GPC5: variants seen among roughly 807,000 people sequenced by gnomAD.
The protein encoded by GPC5 is glypican 5, also known as glypican-5.
A neutral mutation model predicts 53.9 loss-of-function variants in GPC5; 47 were observed. The observed-to-expected ratio is 0.87, with a 90% CI of 0.69 to 1.11. GPC5 has a LOEUF of 1.11. Among genes scored for constraint, GPC5 ranks in the 50% most tolerant of loss-of-function variants. GPC5 has a pLI of 0.00. For missense variants in GPC5, 748 were observed against 713.1 expected (o/e 1.05, Z -0.56); for synonymous variants, 286 against 263.3 (o/e 1.09, Z -0.84).
chr13:92,349,581 C>T (rs1239705750), intron 7 of GPC5, among the ~76,000 whole-genome samples: 1 of 151,368 alleles, frequency 6.6e-6, no homozygotes, highest in Non-Finnish European at 1.5e-5. Context: ...AGAACTGATA[C>T]CACATAATAG....
intron 5 of GPC5, among the ~76,000 whole-genome samples, chr13:91,846,358 A>G (rs575862460): frequency 6.6e-6 from 1 of 152,282 alleles, no homozygotes; most frequent in East Asian, 1.9e-4. Flanking sequence ...ATGCTAGTTT[A>G]ACCTGATTCT....
intron 5 of GPC5, among the ~76,000 whole-genome samples, chr13:91,869,121 G>A (rs951299049): frequency 1.3e-5 from 2 of 152,072 alleles, no homozygotes; most frequent in African/African-American, 4.8e-5. Flanking sequence ...GTGCCTTGGT[G>A]CAATCTTGGC....
intron 7 of GPC5, among the ~76,000 whole-genome samples, chr13:92,330,661 T>C (rs1204972505): frequency 6.6e-6 from 1 of 152,202 alleles, no homozygotes; most frequent in East Asian, 1.9e-4. Flanking sequence ...CATATTTATG[T>C]ATTACTTTTA....
intron 6 of GPC5, among the ~76,000 whole-genome samples, chr13:91,981,401 T>G (rs1024775350): frequency 2.6e-5 from 4 of 151,966 alleles, no homozygotes; most frequent in African/African-American, 9.7e-5. Context: ...GCCATTCTCC[T>G]GCCTCAGCCT....
chr13:92,042,516 G>A (rs1594740416), intron 6 of GPC5, among the ~76,000 whole-genome samples: 1 of 152,064 alleles, frequency 6.6e-6, no homozygotes, highest in Admixed American at 6.5e-5. Flanking sequence ...AATCTGAGCA[G>A]CAACATGTTT....
Position 92,632,025 on chromosome 13 carries a change from G to A in GPC5, c.1562-234257G>A, listed in dbSNP as rs1885255867. Among the ~76,000 whole-genome samples the A allele has an allele frequency of 3.3e-5, 5 of 152,220 alleles. No individual in the cohort carries two copies. The South Asian group carries it at 1.0e-3, about 32-fold the overall frequency. On this transcript the variant is annotated intron_variant, in intron 7 of 7. Coordinates refer to ENST00000377067, the MANE Select transcript of GPC5 (RefSeq NM_004466.6). Reference sequence around the variant, plus strand: ...ATTAAGAAATACTCAACCTGTCCCTGTTTGGAAACAGTTCCCTCTAGATAG... The same window carrying A: ...ATTAAGAAATACTCAACCTGTCCCTATTTGGAAACAGTTCCCTCTAGATAG...
chr13:92,658,562 T>C (rs970634041), intron 7 of GPC5, among the ~76,000 whole-genome samples: 2 of 152,218 alleles, frequency 1.3e-5, no homozygotes, highest in Non-Finnish European at 2.9e-5. Flanking sequence ...TGTAATACAA[T>C]ATTTAAAAAT....
Position 91,682,246 on chromosome 13 carries a change from C to T in GPC5, c.326-10941C>T, listed in dbSNP as rs185828622. 8.7e-4 allele frequency among the ~76,000 whole-genome samples: 133 copies of T among 152,198 alleles called. 1 individual carries two copies. The highest frequency in any genetic ancestry group is 2.4e-3 in the African/African-American group (101 of 41,512). On this transcript the variant is annotated intron_variant, in intron 2 of 7. Coordinates refer to ENST00000377067, the MANE Select transcript of GPC5 (RefSeq NM_004466.6). Reference sequence around the variant, plus strand: ...TGGTGGTCGTGCTAGTAAGAGTACCCGTATCATGGGTTGGAGAATCAAGTG... The same window carrying T: ...TGGTGGTCGTGCTAGTAAGAGTACCTGTATCATGGGTTGGAGAATCAAGTG...
intron 5 of GPC5, among the ~76,000 whole-genome samples, chr13:91,857,829 A>T (rs970816901): frequency 6.6e-6 from 1 of 151,522 alleles, no homozygotes; most frequent in Non-Finnish European, 1.5e-5. Flanking sequence ...TTTTATCAAG[A>T]ATACTTACAT....
chr13:92,220,476 G>A (rs556411320), intron 7 of GPC5, among the ~76,000 whole-genome samples: 3 of 152,110 alleles, frequency 2.0e-5, no homozygotes, highest in African/African-American at 7.2e-5. Flanking sequence ...TTGTAACAAA[G>A]ATTAAGTGAA....
At chr13:91,741,530 T>C (rs2036933455) in intron 4 of GPC5, among the ~76,000 whole-genome samples, 1 of 152,204 alleles carries the variant, frequency 6.6e-6, no homozygotes, top group African/African-American at 2.4e-5. Context: ...AAATGTTTAT[T>C]CAGTGAAGAA....
chr13:92,005,971 T>C (rs2040602985), intron 6 of GPC5, among the ~76,000 whole-genome samples: 1 of 152,106 alleles, frequency 6.6e-6, no homozygotes, highest in African/African-American at 2.4e-5. Context: ...CTGATAAACC[T>C]TTTTTTCTGG....
At chr13:92,364,716 TGA>T (rs35546886) in intron 7 of GPC5, among the ~76,000 whole-genome samples, 1,533 of 151,678 alleles carry the variant, frequency 0.01, 32 homozygotes, top group Middle Eastern at 0.048. Context: ...GGTGACAGAG[TGA>T]GAGACTCCGT....
At chr13:92,860,650 T>C (rs1054229496) in intron 7 of GPC5, among the ~76,000 whole-genome samples, 2 of 152,140 alleles carry the variant, frequency 1.3e-5, no homozygotes, top group African/African-American at 4.8e-5. Context: ...TAGTAACTAG[T>C]GACCAAAGTT....
Position 92,034,154 on chromosome 13 carries a change from A to G in GPC5, c.1402-110676A>G, listed in dbSNP as rs184005963. The stretch of plus-strand genomic sequence containing the variant: ...CTATAACCTCATTCATAAAAAATCT[A>G]TAATTTAATATGGCAAACTAAATTA... On this transcript the variant is annotated intron_variant, in intron 6 of 7. Transcript: ENST00000377067. Among the ~76,000 whole-genome samples, 4 of 152,318 alleles carry G rather than the reference A, an allele frequency of 2.6e-5. 1 individual carries two copies. The East Asian group carries it at 7.7e-4, about 29-fold the overall frequency.
At chr13:91,744,338 A>T (rs1647797316) in intron 4 of GPC5, among the ~76,000 whole-genome samples, 1 of 152,102 alleles carries the variant, frequency 6.6e-6, no homozygotes, top group African/African-American at 2.4e-5. Context: ...CCACAGCAAT[A>T]TTTTTCAAAA....
chr13:92,253,022 G>A (rs2042702749), intron 7 of GPC5, among the ~76,000 whole-genome samples: 1 of 152,120 alleles, frequency 6.6e-6, no homozygotes, highest in African/African-American at 2.4e-5. Context: ...TGCTATGGAA[G>A]TTTAGAGTGC....
At chr13:91,416,076 G>T (rs901147150) in intron 1 of GPC5, among the ~76,000 whole-genome samples, 1 of 152,094 alleles carries the variant, frequency 6.6e-6, no homozygotes, top group Admixed American at 6.5e-5. Context: ...CAAAGAACAG[G>T]AAATTACCCT....
At chr13:92,357,227 T>C (rs764834298) in intron 7 of GPC5, among the ~76,000 whole-genome samples, 6 of 151,790 alleles carry the variant, frequency 4.0e-5, no homozygotes, top group Admixed American at 2.6e-4. Context: ...TTTGGGTATA[T>C]ACCCAGTAAT....
Sources: allele counts gnomAD v4.1 joint callset (sites outside exome capture counted in the v4.1 genomes callset), GRCh38; gene constraint gnomAD v4.1.1; transcripts MANE v1.5; gene names NCBI Gene and HGNC (gene_info 2026-07-23, HGNC 2026-07-21).